Variants in CORIN observed in about 807,000 individuals in gnomAD.
CORIN encodes the protein atrial natriuretic peptide-converting enzyme.
In CORIN, 117 loss-of-function variants were observed where a neutral mutation model predicts 125.3. The ratio of observed to expected loss-of-function variants is 0.93; its 90% CI spans 0.80 to 1.09. The LOEUF is 1.09. CORIN is among the 50% of genes least tolerant of loss of function. CORIN has a pLI of 0.00. For missense variants in CORIN, 1,253 were observed against 1,306.7 expected (o/e 0.96, Z 0.63); for synonymous variants, 450 against 466.4 (o/e 0.96, Z 0.45).
intron 1 of CORIN, among the ~76,000 whole-genome samples, chr4:47,832,755 C>T (rs1288863491): frequency 6.6e-6 from 1 of 151,958 alleles, no homozygotes; most frequent in Non-Finnish European, 1.5e-5. Context: ...TTTTTATCAT[C>T]CTAAAATCTT....
chr4:47,595,051 G>T lies in CORIN; in HGVS notation c.*670C>A, dbSNP rs1026134227. 1 of 152,110 alleles carries T rather than the reference G, an allele frequency of 6.6e-6. No homozygotes were observed. Among genetic ancestry groups the T allele is most frequent in the Non-Finnish European group, 1.5e-5 (1 of 68,014 alleles). The allele number at this position is 152,110 out of a possible 1,614,324, so 9.4% of individuals were successfully genotyped here. A position where few individuals can be genotyped will look rare whatever the true frequency, so the allele number is the denominator to read the frequency against. On this transcript the variant is annotated 3_prime_UTR_variant, in exon 22 of 22. Coordinates refer to ENST00000273857, the MANE Select transcript of CORIN (RefSeq NM_006587.4). The stretch of plus-strand genomic sequence containing the variant: ...TATTGCTGTCTTTTATCAGTTCTCA[G>T]AATTATGCAAACATTAGAAGGGGGT...
intron 16 of CORIN, among the ~76,000 whole-genome samples, chr4:47,637,162 CT>C (rs1215459285): frequency 1.3e-5 from 2 of 152,104 alleles, no homozygotes; most frequent in Admixed American, 6.5e-5. Context: ...GAACTTTGAA[CT>C]TGACAGATGA....
chr4:47,744,593 A>C lies in CORIN; in HGVS notation c.618-10T>G. 1 of 1,562,586 alleles carries C rather than the reference A, an allele frequency of 6.4e-7. No homozygotes were observed. The highest frequency in any genetic ancestry group is 2.3e-5 in the East Asian group (1 of 44,296). ...GGGCAGGAGTCCATGACTAAAAAAA[A>C]AAAAAGAGAAAGGTGAAAATTAGTG... On this transcript the variant is annotated splice_polypyrimidine_tract_variant and intron_variant, in intron 4 of 21. Transcript: ENST00000273857.
At chr4:47,657,430 G>A (rs564388027) in intron 12 of CORIN, among the ~76,000 whole-genome samples, 1 of 151,484 alleles carries the variant, frequency 6.6e-6, no homozygotes, top group South Asian at 2.1e-4. Flanking sequence ...AGCTACTCGG[G>A]AGGCTGAGGC....
Position 47,760,670 on chromosome 4 carries a change from CAG to C in CORIN, c.617+2707_617+2708del, listed in dbSNP as rs1729405620. Among the ~76,000 whole-genome samples the C allele has an allele frequency of 3.3e-5, 5 of 152,198 alleles. No homozygotes were observed. The South Asian group carries it at 1.0e-3, about 31-fold the overall frequency. On this transcript the variant is annotated intron_variant, in intron 4 of 21. Transcript: ENST00000273857. Reference sequence around the variant, plus strand: ...CATCAGCTGAATTAGACCTTAACAACAGAGTCAGTCTGTCCTTTGAAGTTTTA... The same window carrying C: ...CATCAGCTGAATTAGACCTTAACAACAGTCAGTCTGTCCTTTGAAGTTTTA...
chr4:47,830,527 T>G (rs1046039399), intron 1 of CORIN, among the ~76,000 whole-genome samples: 1 of 152,322 alleles, frequency 6.6e-6, no homozygotes, highest in Admixed American at 6.5e-5. Flanking sequence ...GCTTCACAAG[T>G]GCATGAATCC....
At chr4:47,759,016 A>G (rs1002256304) in intron 4 of CORIN, among the ~76,000 whole-genome samples, 1 of 152,228 alleles carries the variant, frequency 6.6e-6, no homozygotes, top group Non-Finnish European at 1.5e-5. Flanking sequence ...ACATAGACCA[A>G]TGGAATGGAA....
intron 4 of CORIN, among the ~76,000 whole-genome samples, chr4:47,752,577 C>T (rs1480866502): frequency 6.6e-6 from 1 of 152,110 alleles, no homozygotes; most frequent in Non-Finnish European, 1.5e-5. Context: ...TAAGTAATGC[C>T]CACGTAAGAG....
chr4:47,649,544 T>C (rs1209772669), intron 13 of CORIN, among the ~76,000 whole-genome samples: 3 of 152,218 alleles, frequency 2.0e-5, no homozygotes, highest in Admixed American at 6.5e-5. Flanking sequence ...GAACAGGGCA[T>C]GTTATAAGCA....
intron 2 of CORIN, among the ~76,000 whole-genome samples, chr4:47,802,889 A>G (rs1731606203): frequency 6.6e-6 from 1 of 152,154 alleles, no homozygotes; most frequent in South Asian, 2.1e-4. Context: ...TTCCTGCCCC[A>G]GTTCCAGAAG....
intron 4 of CORIN, among the ~76,000 whole-genome samples, chr4:47,760,396 T>C (rs1045901194): frequency 2.0e-5 from 3 of 152,220 alleles, no homozygotes; most frequent in African/African-American, 4.8e-5. Context: ...CTTTTCTCCA[T>C]TGCATGAAAT....
intron 1 of CORIN, among the ~76,000 whole-genome samples, chr4:47,832,435 CT>C (rs1296364195): frequency 7.1e-6 from 1 of 141,266 alleles, no homozygotes; most frequent in African/African-American, 2.6e-5. Context: ...TTCTTTCTTT[CT>C]TTTCTTTTCT....
intron 16 of CORIN, among the ~76,000 whole-genome samples, chr4:47,638,190 A>T (rs544979933): frequency 6.0e-4 from 91 of 152,088 alleles, no homozygotes; most frequent in Non-Finnish European, 3.4e-4. Context: ...CAATGCCTGT[A>T]CCCCCATTGT....
At chr4:47,784,571 C>T (rs887130731) in intron 3 of CORIN, among the ~76,000 whole-genome samples, 1 of 152,158 alleles carries the variant, frequency 6.6e-6, no homozygotes, top group Non-Finnish European at 1.5e-5. Context: ...CTGTTTGAAT[C>T]TTAACAAATA....
chr4:47,641,844 C>T (rs1003534299), intron 16 of CORIN, 76 bp downstream of exon 16: 1 of 1,546,472 alleles, frequency 6.5e-7, no homozygotes, highest in Non-Finnish European at 8.8e-7. Flanking sequence ...CTCTGTGCAT[C>T]CTAAGGAAGA....
At chr4:47,810,166 TTTTGTTTG>T (rs139290660) in intron 1 of CORIN, among the ~76,000 whole-genome samples, 1 of 151,988 alleles carries the variant, frequency 6.6e-6, no homozygotes. Flanking sequence ...GGTTTTGGGC[TTTTGTTTG>T]TTTGTTTGTT....
chr4:47,764,754 C>T (rs1039782044), intron 3 of CORIN, among the ~76,000 whole-genome samples: 3 of 152,026 alleles, frequency 2.0e-5, no homozygotes, highest in African/African-American at 7.3e-5. Flanking sequence ...CTTAATGGCT[C>T]ATGAAAGGAA....
At chr4:47,680,627 C>T (rs1725234753) in intron 7 of CORIN, 1 of 197,014 alleles carries the variant, frequency 5.1e-6, no homozygotes, top group Non-Finnish European at 1.0e-5. Context: ...CACAATGCGG[C>T]TAGCGGATTT....
chr4:47,712,703 T>C (rs571034943), intron 5 of CORIN, among the ~76,000 whole-genome samples: 1 of 152,294 alleles, frequency 6.6e-6, no homozygotes, highest in South Asian at 2.1e-4. Context: ...AATCTCTTAG[T>C]TTCCACAAGA....
Sources: gnomAD v4.1 joint callset for allele counts (sites outside exome capture counted in the v4.1 genomes callset) on GRCh38, gnomAD v4.1.1 for gene constraint, MANE v1.5 for transcripts, NCBI Gene and HGNC (gene_info 2026-07-23, HGNC 2026-07-21) for gene names.